The following KLHDC4 variants were observed in gnomAD, a reference collection of about 807,000 sequenced individuals.
The protein encoded by KLHDC4 is kelch domain-containing protein 4.
A neutral mutation model predicts 62.4 loss-of-function variants in KLHDC4; 90 were observed. The observed-to-expected ratio is 1.44, with a 90% CI of 1.22 to 1.72. The LOEUF is 1.72. KLHDC4 is among the 40% of genes most tolerant of loss of function. The pLI is 0.00. For synonymous variants in KLHDC4, 386 were observed against 284.4 expected (o/e 1.36, Z -3.59); for missense variants, 1,025 against 699.7 (o/e 1.47, Z -5.25).
At chr16:87,729,157 C>T (rs184907099) in intron 6 of KLHDC4, among the ~76,000 whole-genome samples, 1 of 152,144 alleles carries the variant, frequency 6.6e-6, no homozygotes, top group Non-Finnish European at 1.5e-5. Flanking sequence ...CCTTTTCCCC[C>T]CGAATTCACA....
intron 5 of KLHDC4, among the ~76,000 whole-genome samples, chr16:87,732,819 A>G (rs896807304): frequency 1.3e-5 from 2 of 151,954 alleles, no homozygotes. Flanking sequence ...CTACAGGTGA[A>G]AAGGCAGGTG....
chr16:87,734,150 G>C lies in KLHDC4; in HGVS notation c.507-3506C>G, dbSNP rs185540929. Among the ~76,000 whole-genome samples the C allele has an allele frequency of 3.4e-3, 512 of 152,290 alleles. 10 individuals carry two copies. Among genetic ancestry groups the C allele is most frequent in the Non-Finnish European group, 8.1e-4 (55 of 68,026 alleles). On this transcript the variant is annotated intron_variant, in intron 5 of 11. Coordinates refer to ENST00000270583, the MANE Select transcript of KLHDC4 (RefSeq NM_017566.4). ...TCACGAGGTCAGGAGCTCAAGACCA[G>C]CCTCACCAACATGGTGAAACCCTGT...
At chr16:87,736,917 G>A (rs1219397503) in intron 5 of KLHDC4, among the ~76,000 whole-genome samples, 1 of 151,750 alleles carries the variant, frequency 6.6e-6, no homozygotes, top group African/African-American at 2.4e-5. Context: ...CTGAGGTCAG[G>A]AGTTCGAGAC....
At chr16:87,748,618 C>A in intron 5 of KLHDC4, 55 bp downstream of exon 5, 1 of 1,607,740 alleles carries the variant, frequency 6.2e-7, no homozygotes, top group South Asian at 1.1e-5. Context: ...TCGGGCTCAG[C>A]ACACAAGCAC....
chr16:87,762,095 C>G (rs542687655), intron 1 of KLHDC4, 55 bp from the exon 2 acceptor site: 5 of 1,599,068 alleles, frequency 3.1e-6, no homozygotes, highest in Non-Finnish European at 4.3e-6. Flanking sequence ...CGCCGCGGAG[C>G]CACAGCCCGC....
At chr16:87,763,376 G>A (rs556785258) in intron 1 of KLHDC4, 2 of 152,380 alleles carry the variant, frequency 1.3e-5, no homozygotes, top group East Asian at 1.9e-4. Context: ...GCCGAGGCAG[G>A]TGGATAATTT....
chr16:87,753,252 C>G (rs542120468), intron 4 of KLHDC4, among the ~76,000 whole-genome samples: 31 of 152,356 alleles, frequency 2.0e-4, no homozygotes, highest in African/African-American at 7.5e-4. Context: ...GACCAAGGAA[C>G]CACCACTGTG....
At chr16:87,704,847 G>A (rs909151966), downstream of KLHDC4, among the ~76,000 whole-genome samples, 34 of 152,186 alleles carry the variant, frequency 2.2e-4, no homozygotes, top group Non-Finnish European at 4.1e-4. Flanking sequence ...ACACCCTCCC[G>A]ACCCCAAACA....
At chr16:87,725,886 G>C (rs2039283352) in intron 7 of KLHDC4, among the ~76,000 whole-genome samples, 1 of 152,142 alleles carries the variant, frequency 6.6e-6, no homozygotes, top group African/African-American at 2.4e-5. Context: ...GTTAACAGGA[G>C]CGAGGAGAAT....
rs184993279 is a variant in KLHDC4 at position 87,742,379 on chromosome 16, C to G, written c.506+6294G>C. Among the ~76,000 whole-genome samples the G allele has an allele frequency of 1.6e-3, 239 of 152,326 alleles. 1 individual carries two copies. The highest frequency in any genetic ancestry group is 5.6e-3 in the African/African-American group (234 of 41,584). ...TCATTCTGCAATCATTAGTAACTTA[C>G]AAAAGCAAAACCTACACTACTTTCA... On this transcript the variant is annotated intron_variant, in intron 5 of 11. Transcript: ENST00000270583.
Position 87,709,319 on chromosome 16 carries a change from AGTGCAG to A in KLHDC4, c.1387_1392del (p.Leu463_His464del), listed in dbSNP as rs769668884. 11 of 1,613,366 alleles carry A rather than the reference AGTGCAG, an allele frequency of 6.8e-6. No homozygotes were observed. Among genetic ancestry groups the A allele is most frequent in the Non-Finnish European group, 9.3e-6 (11 of 1,179,948 alleles). On this transcript the variant is annotated inframe_deletion, in exon 10 of 12. Transcript: ENST00000270583. ...GCCTCCATCCTGTGCAGGTCCAGGC[AGTGCAG>A]GTCGCTGAGGGTGACCTGGCGGTCG...
intron 6 of KLHDC4, among the ~76,000 whole-genome samples, chr16:87,729,844 G>C (rs368114444): frequency 6.6e-6 from 1 of 152,220 alleles, no homozygotes; most frequent in South Asian, 2.1e-4. Flanking sequence ...TTAAAATGCA[G>C]ATTCCTGGGC....
chr16:87,733,351 T>G lies in KLHDC4; in HGVS notation c.507-2707A>C, dbSNP rs898594600. 2.6e-5 allele frequency among the ~76,000 whole-genome samples: 4 copies of G among 152,192 alleles called. No individual in the cohort carries two copies. In the South Asian group the frequency reaches 6.2e-4, roughly 24 times the overall value. On this transcript the variant is annotated intron_variant, in intron 5 of 11. Coordinates refer to ENST00000270583, the MANE Select transcript of KLHDC4 (RefSeq NM_017566.4). The stretch of plus-strand genomic sequence containing the variant: ...GGTGAGGAGGCGCTCGGGCAGCAGG[T>G]GCTCAGAAAGCTCGCAGAGGTGCTT...
intron 7 of KLHDC4, among the ~76,000 whole-genome samples, chr16:87,719,052 G>A (rs933948841): frequency 6.6e-6 from 1 of 151,008 alleles, no homozygotes; most frequent in South Asian, 2.1e-4. Flanking sequence ...CGGGAGGTGG[G>A]GGGCAGCCCC....
chr16:87,698,935 C>T (rs2034018158), exon 1 of KLHDC4: 1 of 152,264 alleles, frequency 6.6e-6, no homozygotes. Flanking sequence ...ATTTTCCGCC[C>T]CAATAGCTTC....
intron 7 of KLHDC4, among the ~76,000 whole-genome samples, chr16:87,723,993 C>T (rs2038906945): frequency 6.6e-6 from 1 of 152,120 alleles, no homozygotes; most frequent in Non-Finnish European, 1.5e-5. Flanking sequence ...CGCCCCACCA[C>T]GCCTGGCTAA....
exon 1 of KLHDC4, chr16:87,700,527 T>G (rs1289405514): frequency 0.017 from 861 of 50,286 alleles, no homozygotes; most frequent in South Asian, 0.021. Context: ...GGAAAGAGGG[T>G]GGAGGGAGGA....
rs751321830 is a variant in KLHDC4, at chr16:87,765,905, A to C, written c.-15T>G. 5 of 1,549,734 alleles carry C rather than the reference A, an allele frequency of 3.2e-6. No individual in the cohort carries two copies. The highest frequency in any genetic ancestry group is 4.4e-6 in the Non-Finnish European group (5 of 1,146,328). On this transcript the variant is annotated 5_prime_UTR_variant, in exon 1 of 12. Coordinates refer to ENST00000270583, the MANE Select transcript of KLHDC4 (RefSeq NM_017566.4). Reference sequence around the variant, plus strand: ...TTCTTGCCCATCTTGCCGGGTCCCAAGCCGCGACGGGACACCAGGAAAGAA... The same window carrying C: ...TTCTTGCCCATCTTGCCGGGTCCCACGCCGCGACGGGACACCAGGAAAGAA...
Position 87,698,362 on chromosome 16 carries a change from CT to C in KLHDC4, c.*3276del, listed in dbSNP as rs1481517877. The stretch of plus-strand genomic sequence containing the variant: ...AGACCAGAAGTGAACCAAATAAAGA[CT>C]CCTGCTCTGTGCAGCTCTCAGACTC... On this transcript the variant is annotated 3_prime_UTR_variant, in exon 1 of 1. Transcript: ENST00000446344. 3.5e-4 allele frequency: 31 copies of C among 88,686 alleles called. No individual in the cohort carries two copies. In the African/African-American group the frequency reaches 3.7e-3, roughly 11 times the overall value. 5.5% of individuals were successfully genotyped at this position (88,686 alleles called of 1,614,324 possible).
Sources: gnomAD v4.1 joint callset for allele counts (sites outside exome capture counted in the v4.1 genomes callset) on GRCh38, gnomAD v4.1.1 for gene constraint, MANE v1.5 for transcripts, NCBI Gene and HGNC (gene_info 2026-07-23, HGNC 2026-07-21) for gene names.